ZDHHC7: variants seen among roughly 807,000 people sequenced by gnomAD.
ZDHHC7 encodes the protein zDHHC palmitoyltransferase 7, also known as palmitoyltransferase ZDHHC7.
A neutral mutation model predicts 34.1 loss-of-function variants in ZDHHC7; 12 were observed. That is an observed-to-expected ratio of 0.35 (90% CI 0.23 to 0.57). The LOEUF (loss-of-function observed/expected upper bound fraction) is 0.57. Ranked by LOEUF, ZDHHC7 falls within the 20% of genes least tolerant of loss-of-function variation. ZDHHC7 has a pLI of 0.84. For missense variants in ZDHHC7, 388 were observed against 402.7 expected (o/e 0.96, Z 0.31); for synonymous variants, 185 against 155.4 (o/e 1.19, Z -1.42).
chr16:85,018,699 C>T, the ZDHHC7 span, among the ~76,000 whole-genome samples: 1 of 152,108 alleles, frequency 6.6e-6, no homozygotes, highest in South Asian at 2.1e-4. Context: ...ATCCGCCCAC[C>T]TTGGCCTCCC....
rs189386631 is a variant in ZDHHC7, at chr16:84,976,273, T to C, written c.*70A>G. On this transcript the variant is annotated 3_prime_UTR_variant, in exon 8 of 8. Coordinates refer to ENST00000313732, the MANE Select transcript of ZDHHC7 (RefSeq NM_017740.3). The stretch of plus-strand genomic sequence containing the variant: ...TGCCCTGTTGGTCACAGATGAGCTG[T>C]TGATATCCTTCAGACCCCAAATAAA... The C allele has an allele frequency of 3.5e-4, 549 of 1,587,060 alleles. No homozygotes were observed. The highest frequency in any genetic ancestry group is 4.3e-4 in the Non-Finnish European group (498 of 1,166,146).
intron 2 of ZDHHC7, among the ~76,000 whole-genome samples, chr16:84,991,016 G>T (rs2072503037): frequency 6.6e-6 from 1 of 152,160 alleles, no homozygotes; most frequent in South Asian, 2.1e-4. Flanking sequence ...ACCTGTTCCT[G>T]CTCTGCTCAG....
intron 2 of ZDHHC7, among the ~76,000 whole-genome samples, chr16:84,995,337 C>T (rs1014319216): frequency 2.0e-5 from 3 of 152,300 alleles, no homozygotes; most frequent in Middle Eastern, 3.4e-3. Context: ...AAAAACTTTC[C>T]GTTTCAGGCC....
At chr16:85,015,803 C>T (rs2072831640), upstream of ZDHHC7, among the ~76,000 whole-genome samples, 1 of 151,344 alleles carries the variant, frequency 6.6e-6, no homozygotes, top group South Asian at 2.1e-4. Flanking sequence ...CACCACTGCA[C>T]TCCAGCTAGG....
chr16:85,005,448 C>A (rs1567506750), intron 1 of ZDHHC7, among the ~76,000 whole-genome samples: 1 of 152,176 alleles, frequency 6.6e-6, no homozygotes, highest in Non-Finnish European at 1.5e-5. Context: ...GTGACCACCA[C>A]CCTAAAAGCC....
At chr16:84,992,848 C>A (rs2072528869) in intron 2 of ZDHHC7, among the ~76,000 whole-genome samples, 1 of 152,088 alleles carries the variant, frequency 6.6e-6, no homozygotes, top group South Asian at 2.1e-4. Flanking sequence ...TTTTTCTTTT[C>A]TTAAATGCAA....
At chr16:85,005,156 G>A (rs115280423) in intron 1 of ZDHHC7, 2 of 152,290 alleles carry the variant, frequency 1.3e-5, no homozygotes, top group African/African-American at 4.8e-5. Flanking sequence ...AAGAACTCTA[G>A]AGTTCCAAAC....
chr16:84,988,128 G>A (rs532538652), intron 3 of ZDHHC7, among the ~76,000 whole-genome samples: 10 of 152,184 alleles, frequency 6.6e-5, no homozygotes, highest in South Asian at 2.1e-4. Context: ...CCAAGATCGC[G>A]CCACTGCACT....
intron 3 of ZDHHC7, chr16:84,988,943 G>C: frequency 6.8e-7 from 1 of 1,464,380 alleles, no homozygotes; most frequent in Admixed American, 2.0e-5. Context: ...CTCCTTTGTC[G>C]AAGTGCCTGG....
At chr16:85,026,522 C>T in the ZDHHC7 span, among the ~76,000 whole-genome samples, 1 of 151,926 alleles carries the variant, frequency 6.6e-6, no homozygotes, top group Non-Finnish European at 1.5e-5. Context: ...CACGGCACTG[C>T]AGCTCCCAGC....
intron 1 of ZDHHC7, among the ~76,000 whole-genome samples, chr16:85,000,772 G>T (rs1001893879): frequency 6.6e-6 from 1 of 152,224 alleles, no homozygotes; most frequent in Non-Finnish European, 1.5e-5. Context: ...TCTGTGCAAG[G>T]CCTCAAGGAT....
upstream of ZDHHC7, among the ~76,000 whole-genome samples, chr16:85,013,597 C>T (rs560763160): frequency 6.6e-6 from 1 of 152,256 alleles, no homozygotes; most frequent in East Asian, 1.9e-4. Context: ...CAAGCTACCT[C>T]TTCGAGTTAC....
rs1343100265 is a variant in ZDHHC7 at position 84,990,493 on chromosome 16, G to A, written c.126C>T (p.Ile42=). ...CACAGATCATGCCGCAGCCGTCACG[G>A]ATGAACCAGACCCGGTCAGCCACGT... is the stretch of plus-strand genomic sequence containing the variant. The part of the protein sequence containing the change: ...EADVADRVWF[I]RDGCGMICAV... Residue 42 remains isoleucine, a synonymous_variant, in exon 3 of 8, where the codon ATC becomes ATT. Transcript: ENST00000313732. 3 of 1,614,044 alleles carry A rather than the reference G, an allele frequency of 1.9e-6. No homozygotes were observed. The highest frequency in any genetic ancestry group is 1.3e-5 in the African/African-American group (1 of 74,932).
At chr16:85,004,480 C>A (rs1009217251) in intron 1 of ZDHHC7, among the ~76,000 whole-genome samples, 2 of 152,062 alleles carry the variant, frequency 1.3e-5, no homozygotes, top group Non-Finnish European at 2.9e-5. Context: ...CATGTCACTC[C>A]CCTCCCTAAG....
chr16:84,989,210 C>A (rs1283899820), intron 3 of ZDHHC7, among the ~76,000 whole-genome samples: 1 of 152,208 alleles, frequency 6.6e-6, no homozygotes, highest in African/African-American at 2.4e-5. Flanking sequence ...GTACCACTCC[C>A]CAGCTGCCCT....
the ZDHHC7 span, among the ~76,000 whole-genome samples, chr16:85,022,407 C>T: frequency 6.6e-6 from 1 of 152,048 alleles, no homozygotes; most frequent in African/African-American, 2.4e-5. Flanking sequence ...CGTGTAATCC[C>T]AGCTACTTGG....
chr16:85,011,316 C>T lies in ZDHHC7; in HGVS notation c.-134G>A. The T allele has an allele frequency of 6.6e-6, 1 of 152,204 alleles. No homozygotes were observed. The highest frequency in any genetic ancestry group is 1.5e-5 in the Non-Finnish European group (1 of 67,860). 9.4% of individuals were successfully genotyped at this position (152,204 alleles called of 1,614,324 possible). ...GCCCGGGCGGGGTCGCCCGGCGCTGCGGCTCCTCCCGGCCTGCGGCGGCGG... is the reference window on the plus strand; with the variant it reads ...GCCCGGGCGGGGTCGCCCGGCGCTGTGGCTCCTCCCGGCCTGCGGCGGCGG... On this transcript the variant is annotated 5_prime_UTR_variant, in exon 1 of 8. Transcript: ENST00000313732.
chr16:85,021,694 G>A, the ZDHHC7 span, among the ~76,000 whole-genome samples: 1 of 151,750 alleles, frequency 6.6e-6, no homozygotes, highest in Non-Finnish European at 1.5e-5. Context: ...CTCCAGCCTG[G>A]GCAACAGAGC....
At chr16:84,997,055 G>A (rs1020039663) in intron 1 of ZDHHC7, among the ~76,000 whole-genome samples, 2 of 150,802 alleles carry the variant, frequency 1.3e-5, no homozygotes, top group African/African-American at 2.4e-5. Context: ...ATCCAAACAC[G>A]ATTCATGAAA....
Sources: gnomAD v4.1 joint callset for allele counts (sites outside exome capture counted in the v4.1 genomes callset) on GRCh38, gnomAD v4.1.1 for gene constraint, MANE v1.5 for transcripts, NCBI Gene and HGNC (gene_info 2026-07-23, HGNC 2026-07-21) for gene names.